Variants in CDKN2B-AS1 observed in about 807,000 individuals in gnomAD.
The protein encoded by CDKN2B-AS1 is CDKN2B and CDKN2A antisense cis and trans regulatory RNA 1, also known as CDKN2B antisense RNA 1 (non-protein coding).
intron 4 of CDKN2B-AS1, among the ~76,000 whole-genome samples, chr9:22,081,660 T>G (rs1322440951): frequency 6.6e-6 from 1 of 152,210 alleles, no homozygotes; most frequent in Non-Finnish European, 1.5e-5. Flanking sequence ...CCCCTTCAAG[T>G]GCTTTCATGA....
intron 4 of CDKN2B-AS1, among the ~76,000 whole-genome samples, chr9:22,057,723 C>T (rs547587048): frequency 6.8e-6 from 1 of 147,266 alleles, no homozygotes; most frequent in Non-Finnish European, 1.5e-5. Context: ...TGGAGGATTG[C>T]TTGAGCCTGC....
intron 3 of CDKN2B-AS1, among the ~76,000 whole-genome samples, chr9:22,052,667 C>G (rs1823399124): frequency 6.6e-6 from 1 of 152,326 alleles, no homozygotes; most frequent in South Asian, 2.1e-4. Context: ...TGGTTTATCC[C>G]AGGACATTAG....
At chr9:22,092,454 G>T (rs1447529369) in intron 4 of CDKN2B-AS1, 1 of 152,100 alleles carries the variant, frequency 6.6e-6, no homozygotes, top group South Asian at 2.1e-4. Flanking sequence ...ATCTGGTCCT[G>T]GACTTTTTTT....
chr9:22,023,004 C>T (rs926060744), intron 1 of CDKN2B-AS1, among the ~76,000 whole-genome samples: 2 of 152,158 alleles, frequency 1.3e-5, no homozygotes, highest in African/African-American at 4.8e-5. Context: ...TGTTGTTAGT[C>T]TGATGGGGTT....
intron 1 of CDKN2B-AS1, among the ~76,000 whole-genome samples, chr9:22,034,612 T>A (rs1822609582): frequency 6.6e-6 from 1 of 152,198 alleles, no homozygotes. Flanking sequence ...AATTTCATCA[T>A]TCTTTGAAAG....
intron 4 of CDKN2B-AS1, among the ~76,000 whole-genome samples, chr9:22,075,044 T>A (rs958968494): frequency 1.3e-5 from 2 of 152,244 alleles, no homozygotes; most frequent in Non-Finnish European, 2.9e-5. Flanking sequence ...TTTCCATTCA[T>A]GGTAGCAATA....
chr9:22,029,005 G>C (rs1587425481), intron 1 of CDKN2B-AS1, among the ~76,000 whole-genome samples: 1 of 151,602 alleles, frequency 6.6e-6, no homozygotes, highest in East Asian at 1.9e-4. Context: ...GCTTAATTTG[G>C]GACAATTTGG....
intron 1 of CDKN2B-AS1, among the ~76,000 whole-genome samples, chr9:22,033,866 C>G (rs1822578757): frequency 6.6e-6 from 1 of 152,148 alleles, no homozygotes; most frequent in East Asian, 1.9e-4. Flanking sequence ...CTATCTCATT[C>G]CAGTTTCTTT....
chr9:22,102,327 A>G (rs1172349254), intron 4 of CDKN2B-AS1, among the ~76,000 whole-genome samples: 4 of 152,190 alleles, frequency 2.6e-5, no homozygotes, highest in African/African-American at 9.7e-5. Context: ...TCATTACATT[A>G]CCTACATGAT....
chr9:22,090,547 G>A (rs1393235997), intron 4 of CDKN2B-AS1, among the ~76,000 whole-genome samples: 1 of 152,158 alleles, frequency 6.6e-6, no homozygotes, highest in African/African-American at 2.4e-5. Context: ...GTATCTCATT[G>A]TGGTTTTGAT....
In CDKN2B-AS1 at chr9:22,039,615, G is replaced by C. The variant is rs1822821443; in HGVS notation, n.30-7136G>C. Reference sequence around the variant, plus strand: ...AATCAAAGTAGAATGGCAGCTTATAGTAGTTATTTGGATAATTTATATAGT... The same window carrying C: ...AATCAAAGTAGAATGGCAGCTTATACTAGTTATTTGGATAATTTATATAGT... On this transcript the variant is annotated intron_variant and non_coding_transcript_variant, in intron 1 of 4. Transcript: ENST00000650946. This position sits in a 1 kb window ranked among gnomAD's most constrained non-coding sequence, Gnocchi z 4.4. Among the ~76,000 whole-genome samples, 1 of 151,958 alleles carries C rather than the reference G, an allele frequency of 6.6e-6. No homozygotes were observed. Among genetic ancestry groups the C allele is most frequent in the Non-Finnish European group, 1.5e-5 (1 of 67,954 alleles).
At chr9:22,104,737 T>A (rs1309455456) in intron 4 of CDKN2B-AS1, among the ~76,000 whole-genome samples, 1 of 152,246 alleles carries the variant, frequency 6.6e-6, no homozygotes. Context: ...TTTTGCATAT[T>A]CTAGGTGCCA....
intron 4 of CDKN2B-AS1, among the ~76,000 whole-genome samples, chr9:22,068,086 T>C (rs144459884): frequency 1.3e-5 from 2 of 152,302 alleles, no homozygotes; most frequent in African/African-American, 4.8e-5. Context: ...GGGCTTACTC[T>C]ACACTTAAAT....
chr9:22,006,176 G>T lies in CDKN2B-AS1; in HGVS notation n.29+11015G>T. ...GCACCGGTCGGGTGAGAGTGGCAGG[G>T]TCTGCGCAGTTGGGCTCCGCGCCGT... On this transcript the variant is annotated intron_variant and non_coding_transcript_variant, in intron 1 of 4. Coordinates refer to ENST00000650946, the Ensembl canonical transcript of CDKN2B-AS1. This position sits in a 1 kb window ranked among gnomAD's most constrained non-coding sequence, Gnocchi z 6.4. 2 of 1,610,480 alleles carry T rather than the reference G, an allele frequency of 1.2e-6. No individual in the cohort carries two copies. The highest frequency in any genetic ancestry group is 1.7e-6 in the Non-Finnish European group (2 of 1,179,802).
intron 4 of CDKN2B-AS1, chr9:22,118,079 A>G (rs1484530975): frequency 6.6e-6 from 1 of 152,322 alleles, no homozygotes; most frequent in Non-Finnish European, 1.5e-5. Context: ...TCAGATGATC[A>G]CATGCCTTCT....
At position 21,996,660 on chromosome 9, in the gene CDKN2B-AS1, C is replaced by T. The variant is rs1329810624; in HGVS notation, n.29+1499C>T. Among the ~76,000 whole-genome samples the T allele has an allele frequency of 6.6e-6, 1 of 152,146 alleles. No individual in the cohort carries two copies. Among genetic ancestry groups the T allele is most frequent in the Non-Finnish European group, 1.5e-5 (1 of 68,026 alleles). On this transcript the variant is annotated intron_variant and non_coding_transcript_variant, in intron 1 of 4. Transcript: ENST00000650946. The surrounding 1 kb of genome is among the most constrained non-coding windows in gnomAD (Gnocchi z 5.4). ...CTTCCTCTGCACCTATGCCACGCCC[C>T]CAGCATTCCCCTCCTACCACCACCT...
rs1013775769 is a variant in CDKN2B-AS1 at position 22,001,110 on chromosome 9, A to G, written n.29+5949A>G. ...AATGGAATGGAGACCCAGAGGTCAC[A>G]TAAGACAGGGTTCAGAGGAAGTAGC... On this transcript the variant is annotated intron_variant and non_coding_transcript_variant, in intron 1 of 4. Coordinates refer to ENST00000650946, the Ensembl canonical transcript of CDKN2B-AS1. The surrounding 1 kb of genome is among the most constrained non-coding windows in gnomAD (Gnocchi z 4.2). Among the ~76,000 whole-genome samples, 1 of 152,194 alleles carries G rather than the reference A, an allele frequency of 6.6e-6. No homozygotes were observed. Among genetic ancestry groups the G allele is most frequent in the Non-Finnish European group, 1.5e-5 (1 of 68,008 alleles).
intron 4 of CDKN2B-AS1, chr9:22,117,840 A>G (rs1825992601): frequency 6.6e-6 from 1 of 152,290 alleles, no homozygotes; most frequent in South Asian, 2.1e-4. Context: ...AGGCAAGTTC[A>G]AACCTTTGAA....
chr9:22,018,794 TG>T (rs1249822683), intron 1 of CDKN2B-AS1, among the ~76,000 whole-genome samples: 3 of 152,236 alleles, frequency 2.0e-5, no homozygotes, highest in Admixed American at 6.5e-5. Flanking sequence ...ATTAGCTATC[TG>T]TAATATATTT....
Sources: gnomAD v4.1 joint callset for allele counts (sites outside exome capture counted in the v4.1 genomes callset) on GRCh38, gnomAD v4.1.1 for gene constraint, Gnocchi (gnomAD v3.1) non-coding constraint, MANE v1.5 for transcripts, NCBI Gene and HGNC (gene_info 2026-07-23, HGNC 2026-07-21) for gene names.